Variants in ASB4 observed in about 807,000 individuals in gnomAD.
The protein encoded by ASB4 is ankyrin repeat and SOCS box protein 4.
Under a neutral mutation model 38.6 loss-of-function variants are expected in ASB4, and 35 were observed. The observed-to-expected ratio is 0.91, with a 90% CI of 0.69 to 1.20. The LOEUF is 1.20. Among genes scored for constraint, ASB4 ranks in the 50% most tolerant of loss-of-function variants. The pLI is 0.00. For missense variants in ASB4, 557 were observed against 527.2 expected, an observed-to-expected ratio of 1.06 and a Z score of -0.55; for synonymous variants, 195 against 201.3, an observed-to-expected ratio of 0.97 and a Z score of 0.26.
At chr7:95,473,279 G>A in the ASB4 span, among the ~76,000 whole-genome samples, 1 of 152,172 alleles carries the variant, frequency 6.6e-6, no homozygotes, top group Admixed American at 6.5e-5. Context: ...CTATGCCCTA[G>A]ATACCCTTGT....
At chr7:95,514,843 G>A (rs1056409502) in intron 2 of ASB4, among the ~76,000 whole-genome samples, 1 of 152,234 alleles carries the variant, frequency 6.6e-6, no homozygotes, top group African/African-American at 2.4e-5. Context: ...CATCCAAAGT[G>A]TGAAGGGGAC....
chr7:95,520,279 A>G (rs969611908), intron 2 of ASB4, among the ~76,000 whole-genome samples: 2 of 152,236 alleles, frequency 1.3e-5, no homozygotes, highest in Non-Finnish European at 2.9e-5. Flanking sequence ...AAAATATACC[A>G]TTAACAGCTG....
At chr7:95,487,601 G>A (rs1240575565) in intron 1 of ASB4, among the ~76,000 whole-genome samples, 1 of 152,194 alleles carries the variant, frequency 6.6e-6, no homozygotes, top group Admixed American at 6.5e-5. Context: ...CTCTAGGGAA[G>A]TGGAGGGGAG....
chr7:95,537,654 TAGA>T lies in ASB4; in HGVS notation c.1181_1183del (p.Arg394del), dbSNP rs751508144. 1.2e-6 allele frequency: 2 copies of T among 1,613,756 alleles called. No individual in the cohort carries two copies. Among genetic ancestry groups the T allele is most frequent in the South Asian group, 2.2e-5 (2 of 91,042 alleles). On this transcript the variant is annotated inframe_deletion, in exon 5 of 5. Transcript: ENST00000325885. ...TCATGCACTTATCGAGATGTGCCAT[TAGA>T]AGAACATTACACAACAGATGCCATA... is the stretch of plus-strand genomic sequence containing the variant.
At chr7:95,527,484 A>G (rs1477218487) in intron 2 of ASB4, among the ~76,000 whole-genome samples, 1 of 152,222 alleles carries the variant, frequency 6.6e-6, no homozygotes, top group East Asian at 1.9e-4. Context: ...GATTAAGAAG[A>G]TTTAGTTGTA....
chr7:95,473,170 CT>C, the ASB4 span, among the ~76,000 whole-genome samples: 1 of 152,166 alleles, frequency 6.6e-6, no homozygotes, highest in Non-Finnish European at 1.5e-5. Context: ...AAGGGAATTT[CT>C]CACCTCTATC....
intron 3 of ASB4, among the ~76,000 whole-genome samples, chr7:95,531,622 T>G (rs745871085): frequency 9.2e-5 from 14 of 152,200 alleles, no homozygotes; most frequent in Non-Finnish European, 1.8e-4. Flanking sequence ...GCAGGAGAAT[T>G]GGTGCTCCTG....
In ASB4 at chr7:95,536,437, G is replaced by A; in HGVS notation, c.979G>A (p.Val327Met). ...ATGAAACTCTGTGCTTCCTCTGCAG[G>A]TGATACAGGCCTGCCATTCTTGTCC... ...ARIYPPQFHKVIQACHSCPKA... is the reference protein window; with the variant it reads ...ARIYPPQFHKMIQACHSCPKA... The change falls in exon 4 of 5, where the codon GTG (valine) becomes ATG (methionine). Residue 327 changes from valine (V) to methionine (M), a missense_variant and splice_region_variant. Val to Met is a conservative substitution (Grantham distance 21). Transcript: ENST00000325885. The A allele has an allele frequency of 6.3e-7, 1 of 1,598,920 alleles. No individual in the cohort carries two copies. Among genetic ancestry groups the A allele is most frequent in the Non-Finnish European group, 8.6e-7 (1 of 1,166,718 alleles).
chr7:95,529,055 T>C (rs1299253582), intron 3 of ASB4, among the ~76,000 whole-genome samples: 1 of 152,166 alleles, frequency 6.6e-6, no homozygotes, highest in Admixed American at 6.5e-5. Flanking sequence ...AGTATTGATA[T>C]GACTAAGACA....
intron 2 of ASB4, among the ~76,000 whole-genome samples, chr7:95,506,322 A>G (rs1790407456): frequency 6.6e-6 from 1 of 152,182 alleles, no homozygotes; most frequent in South Asian, 2.1e-4. Flanking sequence ...GTTGATGTGC[A>G]TCTGGTGAAC....
chr7:95,483,664 C>T (rs377433205), upstream of ASB4, among the ~76,000 whole-genome samples: 15 of 152,280 alleles, frequency 9.9e-5, no homozygotes, highest in African/African-American at 1.9e-4. Context: ...GAAATGGAGG[C>T]GATCTAGGGA....
chr7:95,545,708 A>G, the ASB4 span, among the ~76,000 whole-genome samples: 2 of 152,216 alleles, frequency 1.3e-5, no homozygotes, highest in African/African-American at 4.8e-5. Context: ...AGGGTCTGTC[A>G]ACAACTGGCA....
chr7:95,493,244 C>G lies in ASB4; in HGVS notation c.188-2514C>G, dbSNP rs529800000. 7.2e-5 allele frequency among the ~76,000 whole-genome samples: 11 copies of G among 152,104 alleles called. No homozygotes were observed. In the South Asian group the frequency reaches 2.3e-3, roughly 32 times the overall value. On this transcript the variant is annotated intron_variant, in intron 1 of 4. Transcript: ENST00000325885. ...TTTAAACAATCCTCAGTCCATTAGACCTTAATGTGAAATAACTGGATTTCT... is the reference window on the plus strand; with the variant it reads ...TTTAAACAATCCTCAGTCCATTAGAGCTTAATGTGAAATAACTGGATTTCT...
At chr7:95,518,747 A>AT (rs984797403) in intron 2 of ASB4, among the ~76,000 whole-genome samples, 17 of 152,170 alleles carry the variant, frequency 1.1e-4, no homozygotes, top group Admixed American at 6.5e-4. Context: ...GACCAATGAG[A>AT]TTTTTTATCA....
At chr7:95,496,095 G>A in intron 2 of ASB4, 38 bp downstream of exon 2, 2 of 1,574,608 alleles carry the variant, frequency 1.3e-6, no homozygotes, top group Non-Finnish European at 1.7e-6. Flanking sequence ...TTGTCTGCTT[G>A]TACACTCATG....
downstream of ASB4, among the ~76,000 whole-genome samples, chr7:95,540,782 A>G (rs888111636): frequency 5.4e-4 from 83 of 152,314 alleles, no homozygotes; most frequent in African/African-American, 2.0e-3. Context: ...TTTTTTAATC[A>G]TCGAGTGTTA....
rs547148697 is a variant in ASB4, at chr7:95,495,883, C to A, written c.313C>A (p.Pro105Thr). The A allele has an allele frequency of 3.1e-6, 5 of 1,614,052 alleles. No individual in the cohort carries two copies. In the South Asian group the frequency reaches 5.5e-5, roughly 18 times the overall value. The change falls in exon 2 of 5, where the codon CCC becomes ACC. Residue 105 changes from proline to threonine, a missense_variant. Pro to Thr is a conservative substitution (Grantham distance 38, BLOSUM62 -1). Transcript: ENST00000325885. ...CCACAATGCTACAATCAACTGTAGA[C>A]CCAATGGGAAAACCCCTCTTCACGT... is the stretch of plus-strand genomic sequence containing the variant. ...LDHNATINCR[P>T]NGKTPLHVAC...
intron 2 of ASB4, among the ~76,000 whole-genome samples, chr7:95,499,486 C>T (rs1159881354): frequency 2.0e-5 from 3 of 152,114 alleles, no homozygotes; most frequent in East Asian, 1.9e-4. Context: ...GATAGCTACC[C>T]AGGGTTAATT....
intron 2 of ASB4, among the ~76,000 whole-genome samples, chr7:95,504,202 C>T (rs1281966637): frequency 1.3e-5 from 2 of 152,132 alleles, no homozygotes; most frequent in Non-Finnish European, 2.9e-5. Context: ...GAAGCAAATC[C>T]TGACAGTAGG....
Sources: allele counts gnomAD v4.1 joint callset (sites outside exome capture counted in the v4.1 genomes callset), GRCh38; gene constraint gnomAD v4.1.1; transcripts MANE v1.5; gene names NCBI Gene and HGNC (gene_info 2026-07-23, HGNC 2026-07-21).